The following F2 variants were observed in gnomAD, a reference collection of about 807,000 sequenced individuals.
F2 encodes prothrombin.
In F2, 34 loss-of-function variants were observed where a neutral mutation model predicts 81.9. The observed-to-expected ratio is 0.42, with a 90% CI of 0.32 to 0.55. The LOEUF (loss-of-function observed/expected upper bound fraction) is 0.55. Ranked by LOEUF, F2 falls within the 20% of genes least tolerant of loss-of-function variation. The pLI, the probability that F2 is intolerant of heterozygous loss-of-function variation, is 0.18. For missense variants in F2, 630 were observed against 833.4 expected, an observed-to-expected ratio of 0.76 and a Z score of 3.00; for synonymous variants, 296 against 326.4, an observed-to-expected ratio of 0.91 and a Z score of 1.01.
Position 46,728,757 on chromosome 11 carries a change from C to T in F2, c.1392C>T (p.Ala464=), listed in dbSNP as rs758951308. 1.9e-6 allele frequency: 3 copies of T among 1,614,100 alleles called. No individual in the cohort carries two copies. The East Asian group carries it at 6.7e-5, about 36-fold the overall frequency. ...NWRENLDRDI[A]LMKLKKPVAF... ...GGGAGAACCTGGACCGGGACATTGC[C>T]CTGATGAAGCTGAAGAAGCCTGTTG... Residue 464 remains alanine (A), a synonymous_variant, in exon 11 of 14, where the codon GCC becomes GCT. Coordinates refer to ENST00000311907, the MANE Select transcript of F2 (RefSeq NM_000506.5). This position sits in a 1 kb window ranked among gnomAD's most constrained non-coding sequence, Gnocchi z 5.1.
chr11:46,722,967 A>C, intron 4 of F2: 1 of 656,554 alleles, frequency 1.5e-6, no homozygotes, highest in South Asian at 1.7e-5. Flanking sequence ...AGCACCCGAC[A>C]GTGCCTGTCA....
chr11:46,737,714 G>A (rs955522227), intron 12 of F2, among the ~76,000 whole-genome samples: 7 of 151,702 alleles, frequency 4.6e-5, no homozygotes, highest in East Asian at 2.0e-4. Flanking sequence ...CTGGTATTAC[G>A]GGCGTGAGCC....
chr11:46,726,501 A>G lies in F2; in HGVS notation c.878A>G (p.Glu293Gly), dbSNP rs1431707838. 3 of 1,613,626 alleles carry G rather than the reference A, an allele frequency of 1.9e-6. No individual in the cohort carries two copies. The highest frequency in any genetic ancestry group is 2.5e-6 in the Non-Finnish European group (3 of 1,179,762). ...GCCGGTGCCTGGGTCCCAACAGAGG[A>G]GGCCGTGGAGGAGGAGACAGGAGAT... ...FGYCDLNYCE[E>G]AVEEETGDGL... is the part of the protein sequence containing the mutation. The change falls in exon 8 of 14, where the codon GAG (glutamate) becomes GGG (glycine). Residue 293 changes from glutamate to glycine, a missense_variant. Transcript: ENST00000311907. This position sits in a 1 kb window ranked among gnomAD's most constrained non-coding sequence, Gnocchi z 5.9.
rs546703371 is a variant in F2, at chr11:46,738,094, C to A, written c.1655-954C>A. 5.3e-5 allele frequency among the ~76,000 whole-genome samples: 8 copies of A among 152,218 alleles called. No homozygotes were observed. The East Asian group carries it at 1.5e-3, about 29-fold the overall frequency. ...CTCACTGCAACCTCCACCTCCACCT[C>A]CCAGGTTCAAGCAATTCTACCTCAG... On this transcript the variant is annotated intron_variant, in intron 12 of 13. Coordinates refer to ENST00000311907, the MANE Select transcript of F2 (RefSeq NM_000506.5).
At chr11:46,721,158 C>T (rs1286862167) in intron 4 of F2, among the ~76,000 whole-genome samples, 1 of 152,130 alleles carries the variant, frequency 6.6e-6, no homozygotes, top group Non-Finnish European at 1.5e-5. Context: ...AATTCTCTGC[C>T]TCAACCTCCC....
chr11:46,730,801 C>CATATATATATATATATAT (rs1555157927), intron 12 of F2, among the ~76,000 whole-genome samples: 10 of 135,502 alleles, frequency 7.4e-5, no homozygotes, highest in South Asian at 2.3e-4. Context: ...TATATATATG[C>CATATATATATATATATAT]ATAGTTTGAG....
chr11:46,732,312 G>T (rs981379911), intron 12 of F2, among the ~76,000 whole-genome samples: 17 of 152,032 alleles, frequency 1.1e-4, no homozygotes, highest in African/African-American at 3.6e-4. Context: ...TTCTACATTT[G>T]TTAGTTACTT....
intron 6 of F2, among the ~76,000 whole-genome samples, chr11:46,724,709 G>A (rs1592411215): frequency 6.6e-6 from 1 of 152,132 alleles, no homozygotes; most frequent in East Asian, 1.9e-4. Flanking sequence ...ACAAACATGG[G>A]TTAGTGTTTG....
At chr11:46,730,169 G>A (rs1033549520) in intron 12 of F2, among the ~76,000 whole-genome samples, 1 of 152,070 alleles carries the variant, frequency 6.6e-6, no homozygotes, top group Non-Finnish European at 1.5e-5. Flanking sequence ...TCATGGTGAC[G>A]CATGCCTGTA....
At chr11:46,721,051 G>T (rs919813392) in intron 4 of F2, among the ~76,000 whole-genome samples, 3 of 147,396 alleles carry the variant, frequency 2.0e-5, no homozygotes, top group Non-Finnish European at 4.5e-5. Flanking sequence ...ATGAATTAAT[G>T]TTTTTTTTTT....
chr11:46,726,675 C>G lies in F2; in HGVS notation c.1004-36C>G. 1 of 1,613,706 alleles carries G rather than the reference C, an allele frequency of 6.2e-7. No individual in the cohort carries two copies. The highest frequency in any genetic ancestry group is 1.1e-5 in the South Asian group (1 of 91,070). ...GATGCGGGGCTGCGGGGCTGGTGGCCAGGACTTGCCCCTCACTGCTTGGCT... is the reference window on the plus strand; with the variant it reads ...GATGCGGGGCTGCGGGGCTGGTGGCGAGGACTTGCCCCTCACTGCTTGGCT... On this transcript the variant is annotated intron_variant, in intron 8 of 13. Coordinates refer to ENST00000311907, the MANE Select transcript of F2 (RefSeq NM_000506.5). This position sits in a 1 kb window ranked among gnomAD's most constrained non-coding sequence, Gnocchi z 5.9.
chr11:46,725,575 A>G (rs2064866628), intron 6 of F2, among the ~76,000 whole-genome samples: 1 of 152,216 alleles, frequency 6.6e-6, no homozygotes. Flanking sequence ...CCAGGCAGCC[A>G]CTACCAGTTA....
At chr11:46,738,064 C>G (rs1231747428) in intron 12 of F2, among the ~76,000 whole-genome samples, 1 of 151,974 alleles carries the variant, frequency 6.6e-6, no homozygotes, top group African/African-American at 2.4e-5. Flanking sequence ...GTGGTGCAAT[C>G]CCGGCTCACT....
Position 46,719,746 on chromosome 11 carries a change from C to T in F2, c.124C>T (p.Arg42Trp). 1.9e-6 allele frequency: 3 copies of T among 1,596,042 alleles called. No homozygotes were observed. The highest frequency in any genetic ancestry group is 2.6e-6 in the Non-Finnish European group (3 of 1,172,576). The change falls in exon 2 of 14, where the codon CGG becomes TGG. Residue 42 changes from arginine to tryptophan, a missense_variant. By Grantham distance (101) the Arg-to-Trp change is moderately radical (BLOSUM62 -3). Coordinates refer to ENST00000311907, the MANE Select transcript of F2 (RefSeq NM_000506.5). The surrounding 1 kb of genome is among the most constrained non-coding windows in gnomAD (Gnocchi z 4.7). ...QQARSLLQRV[R>W]RANTFLEEVR... The stretch of plus-strand genomic sequence containing the variant: ...AGCACGGTCGCTGCTCCAGCGGGTC[C>T]GGCGAGCCAACACCTTCTTGGAGGA...
intron 12 of F2, 124 bp downstream of exon 12, chr11:46,729,685 C>T (rs2064898846): frequency 9.2e-7 from 1 of 1,091,930 alleles, no homozygotes; most frequent in Admixed American, 2.4e-5. Flanking sequence ...TCAGTTTCTT[C>T]CTCTGTAAAA....
Position 46,723,060 on chromosome 11 carries a change from T to C in F2, c.317-120T>C. ...TGGTTGCAGAGGAAGAGGGGCTGGG[T>C]GAATGCAGGTTCAGGATTGTGGACC... On this transcript the variant is annotated intron_variant, in intron 4 of 13. Transcript: ENST00000311907. The surrounding 1 kb of genome is among the most constrained non-coding windows in gnomAD (Gnocchi z 5.6). 1.2e-6 allele frequency: 1 copy of C among 846,948 alleles called. No individual in the cohort carries two copies. 52.5% of individuals were successfully genotyped at this position (846,948 alleles called of 1,614,324 possible). A position where few individuals can be genotyped will look rare whatever the true frequency, so the allele number is the denominator to read the frequency against.
intron 4 of F2, among the ~76,000 whole-genome samples, chr11:46,721,525 C>A (rs1158401792): frequency 6.6e-6 from 1 of 152,182 alleles, no homozygotes; most frequent in Non-Finnish European, 1.5e-5. Context: ...GTTTCTAGCA[C>A]CTGGCCTTGC....
intron 12 of F2, among the ~76,000 whole-genome samples, chr11:46,734,348 C>T (rs966213668): frequency 7.3e-5 from 11 of 151,512 alleles, no homozygotes; most frequent in Non-Finnish European, 1.3e-4. Context: ...GTGAGTTCTT[C>T]GTATTTATAT....
At position 46,728,963 on chromosome 11, in the gene F2, A is replaced by C. The variant is rs2064893562; in HGVS notation, c.1472+126A>C. On this transcript the variant is annotated intron_variant, in intron 11 of 13. Coordinates refer to ENST00000311907, the MANE Select transcript of F2 (RefSeq NM_000506.5). The surrounding 1 kb of genome is among the most constrained non-coding windows in gnomAD (Gnocchi z 5.1). ...CCTCGGTTTCTTGGAGTGAACCCAAAAGTTCTTTTCAGTACTGGCGTTTTA... is the reference window on the plus strand; with the variant it reads ...CCTCGGTTTCTTGGAGTGAACCCAACAGTTCTTTTCAGTACTGGCGTTTTA... 4.2e-6 allele frequency: 4 copies of C among 961,402 alleles called. No homozygotes were observed. The highest frequency in any genetic ancestry group is 6.4e-6 in the Non-Finnish European group (4 of 629,830). The allele number at this position is 961,402 out of a possible 1,614,324, so 59.6% of individuals were successfully genotyped here.
Sources: gnomAD v4.1 joint callset for allele counts (sites outside exome capture counted in the v4.1 genomes callset) on GRCh38, gnomAD v4.1.1 for gene constraint, Gnocchi (gnomAD v3.1) non-coding constraint, MANE v1.5 for transcripts, NCBI Gene and HGNC (gene_info 2026-07-23, HGNC 2026-07-21) for gene names.